UIMC1: variants seen among roughly 807,000 people sequenced by gnomAD.
The protein encoded by UIMC1 is ubiquitin interaction motif containing 1, also known as BRCA1-A complex subunit RAP80.
In UIMC1, 42 loss-of-function variants were observed where a neutral mutation model predicts 84.9. The observed-to-expected ratio is 0.49, with a 90% CI of 0.39 to 0.64. UIMC1 has a LOEUF of 0.64. Ranked by LOEUF, UIMC1 falls within the 30% of genes least tolerant of loss-of-function variation. The pLI is 0.00. For synonymous variants in UIMC1, 281 were observed against 293.0 expected (o/e 0.96, Z 0.42); for missense variants, 825 against 847.6 (o/e 0.97, Z 0.33).
At chr5:176,909,700 T>C (rs1441048946) in intron 11 of UIMC1, among the ~76,000 whole-genome samples, 1 of 152,234 alleles carries the variant, frequency 6.6e-6, no homozygotes. Flanking sequence ...AAATACTTAA[T>C]TATCCAGAAG....
intron 10 of UIMC1, among the ~76,000 whole-genome samples, chr5:176,913,393 T>A (rs1485740064): frequency 6.6e-6 from 1 of 152,248 alleles, no homozygotes; most frequent in East Asian, 1.9e-4. Context: ...AGAATCTAGA[T>A]CTGATTCCTA....
At chr5:177,012,554 G>A (rs1302785838) in intron 1 of UIMC1, among the ~76,000 whole-genome samples, 8 of 151,576 alleles carry the variant, frequency 5.3e-5, no homozygotes, top group Non-Finnish European at 1.2e-4. Flanking sequence ...CTAGCCAGGC[G>A]CGGTGGCAGG....
At chr5:176,907,480 A>G (rs999049240) in intron 12 of UIMC1, among the ~76,000 whole-genome samples, 12 of 152,262 alleles carry the variant, frequency 7.9e-5, no homozygotes, top group Admixed American at 2.0e-4. Context: ...CCTATAAACC[A>G]TAACTCCAAA....
At chr5:176,979,283 G>A (rs1332581826) in intron 2 of UIMC1, among the ~76,000 whole-genome samples, 1 of 152,122 alleles carries the variant, frequency 6.6e-6, no homozygotes, top group Non-Finnish European at 1.5e-5. Flanking sequence ...AAACTGTAAG[G>A]AGAAACATGG....
Position 176,999,162 on chromosome 5 carries a change from T to C in UIMC1, c.-9+7488A>G, listed in dbSNP as rs116042704. 9.3e-3 allele frequency among the ~76,000 whole-genome samples: 1,422 copies of C among 152,262 alleles called. 28 individuals carry two copies. The highest frequency in any genetic ancestry group is 0.033 in the African/African-American group (1,361 of 41,542). ...CTCCAGACTGAGTGACAGAGCAAGATCCTGTCTCAGAAAAAATAATAATAA... is the reference window on the plus strand; with the variant it reads ...CTCCAGACTGAGTGACAGAGCAAGACCCTGTCTCAGAAAAAATAATAATAA... On this transcript the variant is annotated intron_variant, in intron 1 of 14. Coordinates refer to ENST00000511320, the MANE Select transcript of UIMC1 (RefSeq NM_001199298.2).
chr5:176,936,969 T>C (rs958578791), intron 10 of UIMC1, among the ~76,000 whole-genome samples: 1 of 152,218 alleles, frequency 6.6e-6, no homozygotes, highest in African/African-American at 2.4e-5. Flanking sequence ...ATAAGCTCCA[T>C]GAGAACAGGG....
rs1162331427 is a variant in UIMC1 at position 176,936,207 on chromosome 5, C to T, written c.1597+7128G>A. ...GCCACCATTTATTGCATACCTATTA[C>T]ATGCTAGTCACAATGCCTGGTACTT... On this transcript the variant is annotated intron_variant, in intron 10 of 14. Coordinates refer to ENST00000511320, the MANE Select transcript of UIMC1 (RefSeq NM_001199298.2). Among the ~76,000 whole-genome samples, 5 of 152,322 alleles carry T rather than the reference C, an allele frequency of 3.3e-5. No homozygotes were observed. The East Asian group carries it at 9.6e-4, about 29-fold the overall frequency.
At chr5:176,991,562 T>C (rs1220183659) in intron 1 of UIMC1, among the ~76,000 whole-genome samples, 1 of 125,358 alleles carries the variant, frequency 8.0e-6, no homozygotes, top group African/African-American at 3.1e-5. Flanking sequence ...CTACTAAAAA[T>C]ACAAAATTAG....
intron 13 of UIMC1, among the ~76,000 whole-genome samples, chr5:176,906,619 G>A (rs755126419): frequency 6.6e-6 from 1 of 152,174 alleles, no homozygotes; most frequent in African/African-American, 2.4e-5. Context: ...TACAATTCTT[G>A]CAATCTATGA....
chr5:177,006,915 G>A (rs1361514257), upstream of UIMC1, among the ~76,000 whole-genome samples: 1 of 152,204 alleles, frequency 6.6e-6, no homozygotes, highest in African/African-American at 2.4e-5. Flanking sequence ...GCGCTTTGGG[G>A]GAAAGCAAGG....
chr5:176,950,078 C>G (rs550932991), intron 9 of UIMC1, among the ~76,000 whole-genome samples: 1 of 148,494 alleles, frequency 6.7e-6, no homozygotes, highest in East Asian at 2.0e-4. Flanking sequence ...TACAAAATTC[C>G]AGAATATAAA....
In UIMC1 at chr5:176,955,936, T is replaced by C. The variant is rs1311792010; in HGVS notation, c.1339+23A>G. 6.8e-6 allele frequency: 11 copies of C among 1,608,988 alleles called. No individual in the cohort carries two copies. In the East Asian group the frequency reaches 8.9e-5, roughly 13 times the overall value. ...AGGTAAATAGGTATCAGAAATTCAG[T>C]AAAATCACAGTGGGGTACTTACCAG... On this transcript the variant is annotated intron_variant, in intron 8 of 14. Coordinates refer to ENST00000511320, the MANE Select transcript of UIMC1 (RefSeq NM_001199298.2).
At chr5:176,948,991 A>G (rs1395310299) in intron 9 of UIMC1, among the ~76,000 whole-genome samples, 1 of 140,122 alleles carries the variant, frequency 7.1e-6, no homozygotes, top group African/African-American at 2.6e-5. Flanking sequence ...CTTTTAATGG[A>G]AACTTTTTTT....
intron 11 of UIMC1, among the ~76,000 whole-genome samples, chr5:176,910,709 C>T (rs1225264888): frequency 6.6e-6 from 1 of 152,130 alleles, no homozygotes; most frequent in Non-Finnish European, 1.5e-5. Flanking sequence ...AAGAGCAATG[C>T]AGAAGTGGAG....
chr5:176,998,446 G>A (rs371078231), intron 1 of UIMC1, among the ~76,000 whole-genome samples: 7 of 109,156 alleles, frequency 6.4e-5, no homozygotes, highest in African/African-American at 1.1e-4. Flanking sequence ...CAGCCTGGAC[G>A]ACAGAGCAAG....
upstream of UIMC1, among the ~76,000 whole-genome samples, chr5:177,010,244 G>A (rs1775517366): frequency 6.6e-6 from 1 of 152,106 alleles, no homozygotes; most frequent in South Asian, 2.1e-4. Context: ...AGATCTACAT[G>A]TATCATCACG....
intron 2 of UIMC1, among the ~76,000 whole-genome samples, chr5:176,975,753 G>C (rs549675337): frequency 6.6e-6 from 1 of 152,130 alleles, no homozygotes; most frequent in Non-Finnish European, 1.5e-5. Context: ...TAAAATACCA[G>C]TAAGCATCAC....
chr5:176,910,542 A>C (rs1299668106), intron 11 of UIMC1, among the ~76,000 whole-genome samples: 2 of 152,204 alleles, frequency 1.3e-5, no homozygotes, highest in Non-Finnish European at 1.5e-5. Flanking sequence ...CCCCTTCCTC[A>C]GAATGAGCTT....
chr5:177,022,485 G>C (rs1268050979), exon 1 of UIMC1: 1 of 469,044 alleles, frequency 2.1e-6, no homozygotes, highest in Admixed American at 4.1e-5. Flanking sequence ...TGAGAGCCAT[G>C]AGCCAAAACC....
Sources: gnomAD v4.1 joint callset for allele counts (sites outside exome capture counted in the v4.1 genomes callset) on GRCh38, gnomAD v4.1.1 for gene constraint, MANE v1.5 for transcripts, NCBI Gene and HGNC (gene_info 2026-07-23, HGNC 2026-07-21) for gene names.